The following SLC22A9 variants were observed in gnomAD, a reference collection of about 807,000 sequenced individuals.
SLC22A9 encodes the protein organic anion transporter 7.
SLC22A9 carries 64 observed loss-of-function variants against 50.1 expected under a neutral mutation model. That is an observed-to-expected ratio of 1.28 (90% CI 1.04 to 1.57). The LOEUF (loss-of-function observed/expected upper bound fraction) is 1.57, where lower values mean the gene tolerates loss of function less well. SLC22A9 is among the 40% of genes most tolerant of loss of function. The pLI is 0.00. For synonymous variants in SLC22A9, 261 were observed against 242.5 expected, an observed-to-expected ratio of 1.08 and a Z score of -0.71; for missense variants, 757 against 676.1, an observed-to-expected ratio of 1.12 and a Z score of -1.33.
chr11:63,379,036 C>CA lies in SLC22A9; in HGVS notation c.955-3114dup, dbSNP rs541888027. 3.5e-3 allele frequency among the ~76,000 whole-genome samples: 526 copies of CA among 149,362 alleles called. 2 individuals are homozygous for CA. The highest frequency in any genetic ancestry group is 5.7e-3 in the Non-Finnish European group (382 of 67,064). ...AAACTATTCTAAAATTCATATGGAACAAAAAAAAAGAGTTTGAATAACCAA... is the reference window on the plus strand; with the variant it reads ...AAACTATTCTAAAATTCATATGGAACAAAAAAAAAAGAGTTTGAATAACCAA... On this transcript the variant is annotated intron_variant, in intron 5 of 9. Coordinates refer to ENST00000279178, the MANE Select transcript of SLC22A9 (RefSeq NM_080866.3).
Position 63,408,597 on chromosome 11 carries a change from A to C in SLC22A9, c.1398-79A>C. On this transcript the variant is annotated intron_variant, in intron 8 of 9. Coordinates refer to ENST00000279178, the MANE Select transcript of SLC22A9 (RefSeq NM_080866.3). ...CTGTGTGTCTAAATGTTCCCCCATA[A>C]TTAGAGCAAAATGATAAATCACAAA... 7 of 1,337,056 alleles carry C rather than the reference A, an allele frequency of 5.2e-6. No homozygotes were observed. In the East Asian group the frequency reaches 1.6e-4, roughly 31 times the overall value. 82.8% of individuals were successfully genotyped at this position (1,337,056 alleles called of 1,614,324 possible).
rs760458545 is a variant in SLC22A9, at chr11:63,406,643, G to A, written c.1220G>A (p.Arg407Gln). Residue 407 changes from arginine (R) to glutamine (Q), a missense_variant, in exon 7 of 10, where the codon CGA becomes CAA. By Grantham distance (43) the Arg-to-Gln change is conservative. Coordinates refer to ENST00000279178, the MANE Select transcript of SLC22A9 (RefSeq NM_080866.3). ...TGGGCACTGAAATACATGAACCGTC[G>A]AGCAAGCCAGATGCTTCTCATGTTC... ...APWALKYMNRRASQMLLMFLL... is the reference protein window; with the variant it reads ...APWALKYMNRQASQMLLMFLL... 27 of 1,613,636 alleles carry A rather than the reference G, an allele frequency of 1.7e-5. No homozygotes were observed. Among genetic ancestry groups the A allele is most frequent in the Middle Eastern group, 1.6e-4 (1 of 6,074 alleles).
At chr11:63,372,418 C>G (rs1178253362) in intron 2 of SLC22A9, among the ~76,000 whole-genome samples, 23 of 152,104 alleles carry the variant, frequency 1.5e-4, no homozygotes, top group Non-Finnish European at 1.0e-4. Context: ...AAAGTACTGT[C>G]TGCAATAAGG....
chr11:63,385,769 T>A (rs1461915252), intron 6 of SLC22A9, among the ~76,000 whole-genome samples: 2 of 152,086 alleles, frequency 1.3e-5, no homozygotes, highest in African/African-American at 2.4e-5. Context: ...TCTCTTCCGA[T>A]TCAAATACCC....
intron 6 of SLC22A9, among the ~76,000 whole-genome samples, chr11:63,394,669 T>G (rs2014820620): frequency 6.6e-6 from 1 of 152,156 alleles, no homozygotes; most frequent in African/African-American, 2.4e-5. Context: ...CTTTCCTTTG[T>G]CTTAACTTTA....
At chr11:63,395,738 G>C (rs1255285965) in intron 6 of SLC22A9, among the ~76,000 whole-genome samples, 1 of 152,108 alleles carries the variant, frequency 6.6e-6, no homozygotes, top group Non-Finnish European at 1.5e-5. Flanking sequence ...CAGCTGTGGA[G>C]AGAAACCAGC....
chr11:63,380,958 A>C (rs541455131), intron 5 of SLC22A9, among the ~76,000 whole-genome samples: 3 of 152,298 alleles, frequency 2.0e-5, no homozygotes, highest in African/African-American at 7.2e-5. Context: ...TCAGTTTCCC[A>C]GGGAAAAAAA....
intron 2 of SLC22A9, 65 bp downstream of exon 2, chr11:63,371,303 C>T: frequency 2.4e-6 from 3 of 1,272,580 alleles, no homozygotes; most frequent in Non-Finnish European, 3.4e-6. Context: ...AACATTATTT[C>T]ATCTAGAATT....
intron 1 of SLC22A9, 52 bp from the exon 2 acceptor site, chr11:63,371,083 A>C: frequency 1.5e-6 from 2 of 1,364,884 alleles, no homozygotes; most frequent in Non-Finnish European, 2.1e-6. Context: ...GTTTTGATCA[A>C]GTTACACTGA....
chr11:63,408,565 A>C, intron 8 of SLC22A9, 111 bp from the exon 9 acceptor site: 1 of 968,010 alleles, frequency 1.0e-6, no homozygotes, highest in Non-Finnish European at 1.5e-6. Context: ...GGAGTATTTC[A>C]TCACCTCTGT....
intron 6 of SLC22A9, among the ~76,000 whole-genome samples, chr11:63,395,845 C>T (rs570415154): frequency 9.9e-5 from 15 of 152,198 alleles, no homozygotes; most frequent in African/African-American, 3.6e-4. Context: ...CTAGGCATGT[C>T]TGAGCTCAGA....
chr11:63,383,264 T>C (rs530988282), intron 6 of SLC22A9, among the ~76,000 whole-genome samples: 2 of 152,270 alleles, frequency 1.3e-5, no homozygotes, highest in African/African-American at 4.8e-5. Flanking sequence ...GTTTTTGTCT[T>C]TCCCACCCGG....
chr11:63,370,649 A>G (rs1168005001), intron 1 of SLC22A9, among the ~76,000 whole-genome samples, 191 bp downstream of exon 1: 1 of 152,222 alleles, frequency 6.6e-6, no homozygotes, highest in Admixed American at 6.5e-5. Context: ...AGTAGAAGGC[A>G]TCCTGCTATT....
In SLC22A9 at chr11:63,373,649, G is replaced by A. The variant is rs747983447; in HGVS notation, c.512G>A (p.Gly171Glu). The A allele has an allele frequency of 6.4e-7, 1 of 1,552,980 alleles. No individual in the cohort carries two copies. Among genetic ancestry groups the A allele is most frequent in the Admixed American group, 2.1e-5 (1 of 47,478 alleles). Residue 171 changes from glycine (G) to glutamate (E), a missense_variant, in exon 3 of 10, where the codon GGG becomes GAG. By Grantham distance (98) the Gly-to-Glu change is moderately conservative (BLOSUM62 -2). Transcript: ENST00000279178. ...ILGGHLSDRF[G>E]RRFVLRWCYL... is the part of the protein sequence containing the mutation. ...AACCTGTTTCTGTTTCTCAGGTTTG[G>A]GAGAAGGTTCGTGCTCAGATGGTGT...
chr11:63,385,105 A>AATT (rs1565184460), intron 6 of SLC22A9, among the ~76,000 whole-genome samples: 1 of 52,216 alleles, frequency 1.9e-5, no homozygotes, highest in East Asian at 5.6e-4. Context: ...CTGATGATAC[A>AATT]GTTTTTTTTT....
chr11:63,388,202 T>C (rs1354826012), intron 6 of SLC22A9, among the ~76,000 whole-genome samples: 1 of 152,168 alleles, frequency 6.6e-6, no homozygotes, highest in Admixed American at 6.6e-5. Context: ...CTTCAAGGGC[T>C]ATGTTGAATA....
intron 6 of SLC22A9, among the ~76,000 whole-genome samples, chr11:63,391,315 A>G (rs1037817425): frequency 1.6e-4 from 25 of 152,104 alleles, no homozygotes; most frequent in Non-Finnish European, 3.2e-4. Flanking sequence ...GAAATGTTTC[A>G]TAAGTATCTA....
At chr11:63,404,793 C>A (rs935035984) in intron 6 of SLC22A9, among the ~76,000 whole-genome samples, 18 of 152,140 alleles carry the variant, frequency 1.2e-4, no homozygotes, top group Non-Finnish European at 2.6e-4. Context: ...CAGTTTATGT[C>A]TGCCTGACCA....
intron 6 of SLC22A9, among the ~76,000 whole-genome samples, chr11:63,389,255 G>C (rs2014720396): frequency 6.6e-6 from 1 of 151,750 alleles, no homozygotes; most frequent in Non-Finnish European, 1.5e-5. Context: ...ACAGTGGTTT[G>C]CTGCACCTAT....
Sources: allele counts gnomAD v4.1 joint callset (sites outside exome capture counted in the v4.1 genomes callset), GRCh38; gene constraint gnomAD v4.1.1; transcripts MANE v1.5; gene names NCBI Gene and HGNC (gene_info 2026-07-23, HGNC 2026-07-21).